Variants in RELN observed in about 807,000 individuals in gnomAD.
RELN encodes the protein reelin.
In RELN, 108 loss-of-function variants were observed where a neutral mutation model predicts 427.6. The observed-to-expected ratio is 0.25, with a 90% CI of 0.22 to 0.30. The LOEUF is 0.30. Among genes scored for constraint, RELN ranks in the 10% least tolerant of loss-of-function variants. RELN has a pLI of 1.00. For missense variants in RELN, 3,715 were observed against 4,302.8 expected (o/e 0.86, Z 3.82); for synonymous variants, 1,524 against 1,513.4 (o/e 1.01, Z -0.16).
At chr7:103,847,583 T>G in intron 2 of RELN, among the ~76,000 whole-genome samples, 1 of 152,086 alleles carries the variant, frequency 6.6e-6, no homozygotes, top group Non-Finnish European at 1.5e-5. Flanking sequence ...AATGATATAA[T>G]ATCATGTAAC....
intron 38 of RELN, among the ~76,000 whole-genome samples, chr7:103,556,429 G>GTGTA (rs112632398): frequency 2.2e-4 from 33 of 149,190 alleles, no homozygotes; most frequent in East Asian, 9.8e-4. Context: ...ATATATACGT[G>GTGTA]TATATATATA....
chr7:103,601,532 G>A lies in RELN; in HGVS notation c.3333+1772C>T, dbSNP rs185789830. ...TAGCATATCACTCACACCTGTCTAC[G>A]TGTTACATGCTGTAAAGTGGGACAC... is the stretch of plus-strand genomic sequence containing the variant. On this transcript the variant is annotated intron_variant, in intron 24 of 64. Coordinates refer to ENST00000428762, the MANE Select transcript of RELN (RefSeq NM_005045.4). Among the ~76,000 whole-genome samples the A allele has an allele frequency of 2.9e-3, 435 of 152,244 alleles. 2 individuals carry two copies. Among genetic ancestry groups the A allele is most frequent in the Non-Finnish European group, 5.0e-3 (338 of 68,020 alleles).
At chr7:103,494,404 T>G (rs565122640) in intron 57 of RELN, among the ~76,000 whole-genome samples, 1 of 151,262 alleles carries the variant, frequency 6.6e-6, no homozygotes, top group East Asian at 1.9e-4. Context: ...GGATATGGTC[T>G]TGTTCTGTTG....
intron 8 of RELN, among the ~76,000 whole-genome samples, chr7:103,705,880 C>G (rs1338066027): frequency 6.6e-6 from 1 of 152,140 alleles, no homozygotes; most frequent in East Asian, 1.9e-4. Flanking sequence ...AAGAAAAGTA[C>G]CTAGACAACA....
chr7:103,619,470 C>T (rs1183432733), intron 20 of RELN, among the ~76,000 whole-genome samples: 1 of 152,182 alleles, frequency 6.6e-6, no homozygotes, highest in African/African-American at 2.4e-5. Flanking sequence ...GGCCAATTTA[C>T]CCAACATTCC....
At chr7:103,964,010 T>A (rs1354457433) in intron 1 of RELN, among the ~76,000 whole-genome samples, 1 of 151,836 alleles carries the variant, frequency 6.6e-6, no homozygotes. Flanking sequence ...AATAAAAAAA[T>A]CAGCCAGGCA....
chr7:103,516,430 C>T (rs544083780), intron 49 of RELN, among the ~76,000 whole-genome samples: 9 of 152,040 alleles, frequency 5.9e-5, no homozygotes, highest in African/African-American at 1.7e-4. Flanking sequence ...GGATTACAGG[C>T]GCGCATGCCA....
intron 3 of RELN, among the ~76,000 whole-genome samples, chr7:103,787,850 C>G (rs1413103438): frequency 6.6e-6 from 1 of 152,086 alleles, no homozygotes; most frequent in Non-Finnish European, 1.5e-5. Context: ...CAGCATCATC[C>G]TAATACCAAA....
intron 4 of RELN, among the ~76,000 whole-genome samples, chr7:103,762,674 A>T (rs1791332560): frequency 6.6e-6 from 1 of 152,158 alleles, no homozygotes; most frequent in African/African-American, 2.4e-5. Flanking sequence ...TACTAAAACC[A>T]TTGTTGTTAG....
In RELN at chr7:103,773,426, C is replaced by CCTCTCT. The variant is rs60313039; in HGVS notation, c.544+3125_544+3130dup. Among the ~76,000 whole-genome samples, 130 of 46,302 alleles carry CCTCTCT rather than the reference C, an allele frequency of 2.8e-3. 6 individuals carry two copies. The highest frequency in any genetic ancestry group is 0.011 in the African/African-American group (122 of 11,520). 30.4% of individuals were successfully genotyped at this position (46,302 alleles called of 152,430 possible). On this transcript the variant is annotated intron_variant, in intron 4 of 64. Transcript: ENST00000428762. ...GTCTCTCTCTCTCTCTCCCTCGCTCCCTCTCTCTCTCTCTCTCTCCCTCGC... is the reference window on the plus strand; with the variant it reads ...GTCTCTCTCTCTCTCTCCCTCGCTCCCTCTCTCTCTCTCTCTCTCTCTCTCCCTCGC...
At chr7:103,794,253 CAT>C (rs747770822) in intron 3 of RELN, among the ~76,000 whole-genome samples, 11 of 152,258 alleles carry the variant, frequency 7.2e-5, no homozygotes, top group Non-Finnish European at 1.3e-4. Context: ...TTCAGGCACA[CAT>C]GATTCCAACT....
intron 1 of RELN, among the ~76,000 whole-genome samples, chr7:103,979,330 A>G (rs1408118168): frequency 6.6e-6 from 1 of 152,152 alleles, no homozygotes; most frequent in African/African-American, 2.4e-5. Flanking sequence ...ACTTCTTATC[A>G]CTAGACATGA....
At chr7:103,783,282 G>A (rs755117338) in intron 3 of RELN, among the ~76,000 whole-genome samples, 23 of 148,864 alleles carry the variant, frequency 1.5e-4, no homozygotes, top group Non-Finnish European at 2.8e-4. Flanking sequence ...AGCATAAAAC[G>A]TACAGTGCAT....
chr7:103,836,781 G>C lies in RELN; in HGVS notation c.338-3109C>G, dbSNP rs1294997702. ...AGCAAACCCAGGTAGCTACTCCTATGGGTCCCCACTGAATCTTTTACTTAA... is the reference window on the plus strand; with the variant it reads ...AGCAAACCCAGGTAGCTACTCCTATCGGTCCCCACTGAATCTTTTACTTAA... On this transcript the variant is annotated intron_variant, in intron 2 of 64. Transcript: ENST00000428762. Among the ~76,000 whole-genome samples, 2 of 152,112 alleles carry C rather than the reference G, an allele frequency of 1.3e-5. 1 individual carries two copies.
chr7:103,893,723 C>T lies in RELN; in HGVS notation c.337+23352G>A, dbSNP rs547567416. Among the ~76,000 whole-genome samples, 13 of 152,264 alleles carry T rather than the reference C, an allele frequency of 8.5e-5. No homozygotes were observed. In the South Asian group the frequency reaches 2.5e-3, roughly 29 times the overall value. ...ATTTTCCTTTGCAACCAAAGACATGCAAGTACACCCTCACATAACCAAAAA... is the reference window on the plus strand; with the variant it reads ...ATTTTCCTTTGCAACCAAAGACATGTAAGTACACCCTCACATAACCAAAAA... On this transcript the variant is annotated intron_variant, in intron 2 of 64. Coordinates refer to ENST00000428762, the MANE Select transcript of RELN (RefSeq NM_005045.4).
rs113263811 is a variant in RELN at position 103,741,638 on chromosome 7, G to A, written c.656+7788C>T. Among the ~76,000 whole-genome samples, 1,026 of 128,362 alleles carry A rather than the reference G, an allele frequency of 8.0e-3. 15 individuals are homozygous for A. Among genetic ancestry groups the A allele is most frequent in the African/African-American group, 0.03 (984 of 32,272 alleles). 84.2% of individuals were successfully genotyped at this position (128,362 alleles called of 152,430 possible). A position where few individuals can be genotyped will look rare whatever the true frequency, so the allele number is the denominator to read the frequency against. On this transcript the variant is annotated intron_variant, in intron 6 of 64. Coordinates refer to ENST00000428762, the MANE Select transcript of RELN (RefSeq NM_005045.4). ...AGAGAAGAGGGAGGAGAGGGAACGG[G>A]AGAGGAAGAGATGAAAGCAAGAGAA...
chr7:103,472,606 T>A lies in RELN; in HGVS notation c.*206A>T. 1.8e-6 allele frequency: 1 copy of A among 564,048 alleles called. No homozygotes were observed. 34.9% of individuals were successfully genotyped at this position (564,048 alleles called of 1,614,324 possible). A position where few individuals can be genotyped will look rare whatever the true frequency, so the allele number is the denominator to read the frequency against. On this transcript the variant is annotated 3_prime_UTR_variant, in exon 65 of 65. Coordinates refer to ENST00000428762, the MANE Select transcript of RELN (RefSeq NM_005045.4). The stretch of plus-strand genomic sequence containing the variant: ...CACAACTTTCACGGACACATCAACA[T>A]GAAGACATTTACTTATGAGCAAATA...
At chr7:103,758,586 G>C (rs1037493302) in intron 4 of RELN, among the ~76,000 whole-genome samples, 1 of 151,580 alleles carries the variant, frequency 6.6e-6, no homozygotes, top group Non-Finnish European at 1.5e-5. Flanking sequence ...TACTAGGAAA[G>C]TATTGATAAA....
At chr7:103,952,518 A>AACACACACAC (rs144751365) in intron 1 of RELN, among the ~76,000 whole-genome samples, 1 of 148,250 alleles carries the variant, frequency 6.7e-6, no homozygotes, top group African/African-American at 2.6e-5. Flanking sequence ...TTAAACCTTA[A>AACACACACAC]ACACACACAC....
Sources: allele counts gnomAD v4.1 joint callset (sites outside exome capture counted in the v4.1 genomes callset), GRCh38; gene constraint gnomAD v4.1.1; transcripts MANE v1.5; gene names NCBI Gene and HGNC (gene_info 2026-07-23, HGNC 2026-07-21).